Variants in RAB27B observed in about 807,000 individuals in gnomAD.
The protein encoded by RAB27B is RAB27B, member RAS oncogene family, also known as ras-related protein Rab-27B.
A neutral mutation model predicts 24.6 loss-of-function variants in RAB27B; 15 were observed. The observed-to-expected ratio is 0.61, with a 90% CI of 0.41 to 0.94. The LOEUF is 0.94. Among genes scored for constraint, RAB27B ranks in the 40% least tolerant of loss-of-function variants. The probability of loss-of-function intolerance (pLI) is 0.00; values close to 1 mark genes in which losing one functional copy is unlikely to be tolerated. For missense variants in RAB27B, 261 were observed against 266.8 expected (o/e 0.98, Z 0.15); for synonymous variants, 105 against 92.5 (o/e 1.14, Z -0.78).
At chr18:54,806,667 C>G (rs1909800097) in intron 2 of RAB27B, among the ~76,000 whole-genome samples, 1 of 150,916 alleles carries the variant, frequency 6.6e-6, no homozygotes, top group South Asian at 2.1e-4. Context: ...GTTAGATTGG[C>G]TTTCAGGATG....
At chr18:54,798,097 T>C (rs1909483021) in intron 2 of RAB27B, among the ~76,000 whole-genome samples, 1 of 152,242 alleles carries the variant, frequency 6.6e-6, no homozygotes, top group African/African-American at 2.4e-5. Context: ...CTTCTCTTTC[T>C]TTTTCTCTGA....
chr18:54,813,396 G>T (rs1304910255), intron 2 of RAB27B, among the ~76,000 whole-genome samples: 1 of 152,210 alleles, frequency 6.6e-6, no homozygotes, highest in Non-Finnish European at 1.5e-5. Flanking sequence ...GTGATCCCCA[G>T]GTTGACAGTG....
intron 2 of RAB27B, among the ~76,000 whole-genome samples, chr18:54,878,734 A>C (rs1035523211): frequency 7.7e-6 from 1 of 130,604 alleles, no homozygotes; most frequent in African/African-American, 2.7e-5. Context: ...GGCTTTGCTT[A>C]AACAATAAAA....
intron 2 of RAB27B, among the ~76,000 whole-genome samples, chr18:54,771,016 AC>A (rs1908530007): frequency 6.6e-6 from 1 of 152,190 alleles, no homozygotes. Context: ...GAGTGGCTAG[AC>A]ATGAACAGAT....
In RAB27B at chr18:54,866,095, C is replaced by A. The variant is rs1413190805; in HGVS notation, c.-19-11472C>A. 7.3e-4 allele frequency among the ~76,000 whole-genome samples: 106 copies of A among 145,146 alleles called. 1 individual carries two copies. The highest frequency in any genetic ancestry group is 1.0e-3 in the Admixed American group (15 of 14,790). On this transcript the variant is annotated intron_variant, in intron 1 of 5. Coordinates refer to ENST00000262094, the MANE Select transcript of RAB27B (RefSeq NM_004163.4). The stretch of plus-strand genomic sequence containing the variant: ...TTATCAGTGAGAGTTTTATCAAAAA[C>A]AAAAAAAAAACAGAATCACTATGAG...
chr18:54,738,530 T>C (rs562299515), intron 2 of RAB27B, among the ~76,000 whole-genome samples: 116 of 152,276 alleles, frequency 7.6e-4, no homozygotes, highest in African/African-American at 2.5e-3. Context: ...ACCATGATTG[T>C]AAGTTTCCTG....
intron 2 of RAB27B, among the ~76,000 whole-genome samples, chr18:54,784,436 C>T (rs1909015981): frequency 6.6e-6 from 1 of 152,136 alleles, no homozygotes; most frequent in Non-Finnish European, 1.5e-5. Flanking sequence ...TTGTTTTTCA[C>T]CCCTTACCCT....
At chr18:54,788,305 T>G (rs1330318557) in intron 2 of RAB27B, among the ~76,000 whole-genome samples, 16 of 152,248 alleles carry the variant, frequency 1.1e-4, no homozygotes, top group Admixed American at 6.5e-4. Context: ...TTGTTGTTGT[T>G]GTGGTTGTGG....
chr18:54,824,824 AT>A (rs559123667), upstream of RAB27B, among the ~76,000 whole-genome samples: 147 of 145,366 alleles, frequency 1.0e-3, no homozygotes, highest in East Asian at 9.5e-3. Flanking sequence ...TTTTCTTTCC[AT>A]TTTTTTTTTT....
intron 1 of RAB27B, among the ~76,000 whole-genome samples, chr18:54,845,650 C>G (rs1373340625): frequency 6.6e-6 from 1 of 152,136 alleles, no homozygotes; most frequent in Non-Finnish European, 1.5e-5. Flanking sequence ...CTTGTCTTTG[C>G]TCTAGCCTTT....
intron 1 of RAB27B, among the ~76,000 whole-genome samples, chr18:54,852,848 G>A (rs1911640151): frequency 6.6e-6 from 1 of 152,154 alleles, no homozygotes; most frequent in African/African-American, 2.4e-5. Flanking sequence ...TGAATATCTT[G>A]TTTCTGCATA....
At chr18:54,736,820 T>A (rs1291483921) in intron 2 of RAB27B, among the ~76,000 whole-genome samples, 1 of 151,968 alleles carries the variant, frequency 6.6e-6, no homozygotes, top group African/African-American at 2.4e-5. Context: ...AGCGTTTGAG[T>A]TTTTCATTGG....
chr18:54,783,824 A>G (rs1200190817), intron 2 of RAB27B, among the ~76,000 whole-genome samples: 1 of 152,100 alleles, frequency 6.6e-6, no homozygotes, highest in Admixed American at 6.6e-5. Flanking sequence ...AATGCCAAAC[A>G]TGTCCCAAGT....
intron 2 of RAB27B, among the ~76,000 whole-genome samples, chr18:54,801,270 C>T (rs1045704899): frequency 6.6e-6 from 1 of 151,994 alleles, no homozygotes; most frequent in Non-Finnish European, 1.5e-5. Flanking sequence ...CCATCTTGGC[C>T]TCCCAAAGTG....
At chr18:54,866,228 A>G (rs533776082) in intron 1 of RAB27B, among the ~76,000 whole-genome samples, 3 of 152,312 alleles carry the variant, frequency 2.0e-5, no homozygotes, top group East Asian at 1.9e-4. Context: ...GAATGTTTAC[A>G]GTGTGACTCT....
chr18:54,827,227 T>G (rs1423533539), upstream of RAB27B, among the ~76,000 whole-genome samples: 2 of 152,248 alleles, frequency 1.3e-5, no homozygotes, highest in Admixed American at 1.3e-4. Context: ...TGGATCTTAC[T>G]TGGGGAGAAT....
intron 2 of RAB27B, among the ~76,000 whole-genome samples, chr18:54,820,082 G>A (rs556141126): frequency 2.0e-5 from 3 of 152,052 alleles, no homozygotes; most frequent in South Asian, 4.2e-4. Flanking sequence ...ATAAACATAC[G>A]TGTGCAAGTG....
chr18:54,799,214 T>C (rs1343722291), intron 2 of RAB27B, among the ~76,000 whole-genome samples: 4 of 152,204 alleles, frequency 2.6e-5, no homozygotes, highest in Non-Finnish European at 4.4e-5. Flanking sequence ...AGGGAAAATA[T>C]AGTAAGTTTA....
At chr18:54,719,532 TG>T (rs1909293817) in intron 2 of RAB27B, among the ~76,000 whole-genome samples, 1 of 152,108 alleles carries the variant, frequency 6.6e-6, no homozygotes, top group Non-Finnish European at 1.5e-5. Context: ...ATCGAAAACA[TG>T]TTTATATTGC....
Sources: allele counts gnomAD v4.1 joint callset (sites outside exome capture counted in the v4.1 genomes callset), GRCh38; gene constraint gnomAD v4.1.1; transcripts MANE v1.5; gene names NCBI Gene and HGNC (gene_info 2026-07-23, HGNC 2026-07-21).